The following MDGA2 variants were observed in gnomAD, a reference collection of about 807,000 sequenced individuals.
The protein encoded by MDGA2 is MAM domain containing glycosylphosphatidylinositol anchor 2, also known as MAM domain-containing glycosylphosphatidylinositol anchor protein 2.
Under a neutral mutation model 117.8 loss-of-function variants are expected in MDGA2, and 40 were observed. The observed-to-expected ratio is 0.34, with a 90% CI of 0.26 to 0.44. The LOEUF is 0.44. Among genes scored for constraint, MDGA2 ranks in the 20% least tolerant of loss-of-function variants. MDGA2 has a pLI of 1.00. For missense variants in MDGA2, 1,123 were observed against 1,250.6 expected, an observed-to-expected ratio of 0.90 and a Z score of 1.54; for synonymous variants, 452 against 439.0, an observed-to-expected ratio of 1.03 and a Z score of -0.37.
intron 1 of MDGA2, among the ~76,000 whole-genome samples, chr14:47,408,167 T>C (rs974663385): frequency 6.6e-6 from 1 of 150,550 alleles, no homozygotes; most frequent in South Asian, 2.1e-4. Flanking sequence ...GCAATTCTCC[T>C]GCCTCAGCCT....
At chr14:47,169,915 T>A (rs1163155601) in intron 3 of MDGA2, among the ~76,000 whole-genome samples, 2 of 152,138 alleles carry the variant, frequency 1.3e-5, no homozygotes, top group African/African-American at 4.8e-5. Context: ...TTGAAAAAAA[T>A]TACCTATATT....
chr14:46,927,387 G>C (rs959232018), intron 9 of MDGA2, among the ~76,000 whole-genome samples: 2 of 151,834 alleles, frequency 1.3e-5, no homozygotes, highest in Admixed American at 6.6e-5. Context: ...TATGAAGAGG[G>C]AATTTAAAAA....
chr14:47,539,694 A>G (rs1050822879), intron 1 of MDGA2, among the ~76,000 whole-genome samples: 1 of 152,224 alleles, frequency 6.6e-6, no homozygotes, highest in Non-Finnish European at 1.5e-5. Context: ...GGATAGTTAT[A>G]TAAGGTAAAT....
chr14:47,242,558 C>T (rs1026784469), intron 2 of MDGA2, among the ~76,000 whole-genome samples: 1 of 151,826 alleles, frequency 6.6e-6, no homozygotes, highest in African/African-American at 2.4e-5. Context: ...GTCCTGCTGG[C>T]CCCGGGCAAT....
chr14:47,170,271 G>A (rs1466566459), intron 3 of MDGA2, among the ~76,000 whole-genome samples: 3 of 152,078 alleles, frequency 2.0e-5, no homozygotes, highest in African/African-American at 7.2e-5. Flanking sequence ...AGGAAAGTAA[G>A]AAACAGCAAT....
chr14:47,634,512 T>C (rs1897292676), intron 1 of MDGA2, among the ~76,000 whole-genome samples: 1 of 152,152 alleles, frequency 6.6e-6, no homozygotes, highest in Non-Finnish European at 1.5e-5. Context: ...GTCTTAGAAT[T>C]TTATTAATGT....
intron 1 of MDGA2, among the ~76,000 whole-genome samples, chr14:47,667,274 CT>C (rs1267160063): frequency 1.3e-5 from 2 of 152,174 alleles, no homozygotes; most frequent in African/African-American, 4.8e-5. Context: ...ATTTTCTTGC[CT>C]TCCTAGTAAG....
intron 10 of MDGA2, among the ~76,000 whole-genome samples, chr14:46,915,444 A>C (rs1883861746): frequency 6.6e-6 from 1 of 152,204 alleles, no homozygotes; most frequent in African/African-American, 2.4e-5. Flanking sequence ...AACATGTATA[A>C]ATATAGTGTA....
chr14:47,453,629 T>G (rs1893285692), intron 1 of MDGA2, among the ~76,000 whole-genome samples: 1 of 151,956 alleles, frequency 6.6e-6, no homozygotes, highest in South Asian at 2.1e-4. Context: ...TGAGCCAAAT[T>G]GAAAAGTACA....
chr14:47,243,507 T>C (rs1174161725), intron 2 of MDGA2, among the ~76,000 whole-genome samples: 4 of 151,508 alleles, frequency 2.6e-5, no homozygotes, highest in Non-Finnish European at 4.4e-5. Context: ...GCTGTAACAC[T>C]CACAGCGAAG....
chr14:47,402,357 A>AAG (rs35758519), intron 1 of MDGA2, among the ~76,000 whole-genome samples: 50,987 of 137,080 alleles, frequency 0.37, 10,097 homozygotes, highest in Middle Eastern at 0.5. Flanking sequence ...CCGCAAAAAA[A>AAG]AGAGAGAGAG....
chr14:47,560,228 CGACT>C (rs1566515195), intron 1 of MDGA2, among the ~76,000 whole-genome samples: 1 of 151,898 alleles, frequency 6.6e-6, no homozygotes, highest in Non-Finnish European at 1.5e-5. Context: ...CCACCACGCC[CGACT>C]AATTTTTTTT....
At chr14:47,288,889 C>G (rs1888779585) in intron 2 of MDGA2, among the ~76,000 whole-genome samples, 1 of 151,956 alleles carries the variant, frequency 6.6e-6, no homozygotes, top group Admixed American at 6.6e-5. Context: ...GATTGTTATT[C>G]CTTACTGATT....
chr14:47,448,733 G>A (rs568430428), intron 1 of MDGA2, among the ~76,000 whole-genome samples: 5 of 152,218 alleles, frequency 3.3e-5, no homozygotes, highest in South Asian at 2.1e-4. Flanking sequence ...ATTATCAAGC[G>A]TAAGAAAGAG....
intron 1 of MDGA2, among the ~76,000 whole-genome samples, chr14:47,625,270 T>C (rs929131759): frequency 6.6e-6 from 1 of 151,622 alleles, no homozygotes; most frequent in Non-Finnish European, 1.5e-5. Flanking sequence ...AGAGAAATGA[T>C]AAAGGACACA....
intron 1 of MDGA2, among the ~76,000 whole-genome samples, chr14:47,414,175 T>C (rs1416947192): frequency 1.3e-5 from 2 of 152,202 alleles, no homozygotes; most frequent in Non-Finnish European, 2.9e-5. Context: ...TAGACTATTA[T>C]CCAGCTACTT....
intron 7 of MDGA2, among the ~76,000 whole-genome samples, chr14:47,037,517 A>T (rs1162700576): frequency 6.6e-6 from 1 of 152,172 alleles, no homozygotes; most frequent in Non-Finnish European, 1.5e-5. Flanking sequence ...ATTGGACAAA[A>T]TCCCTGCCTG....
chr14:47,270,286 A>G (rs745525543), intron 2 of MDGA2, among the ~76,000 whole-genome samples: 5 of 152,120 alleles, frequency 3.3e-5, no homozygotes, highest in South Asian at 2.1e-4. Context: ...AGAATTTTCT[A>G]CTGCGTGTAT....
chr14:46,900,350 C>A (rs1883236645), intron 10 of MDGA2, among the ~76,000 whole-genome samples: 1 of 152,180 alleles, frequency 6.6e-6, no homozygotes, highest in African/African-American at 2.4e-5. Context: ...AGCAACTGCA[C>A]TGCTGGGCAT....
Sources: allele counts gnomAD v4.1 joint callset (sites outside exome capture counted in the v4.1 genomes callset), GRCh38; gene constraint gnomAD v4.1.1; transcripts MANE v1.5; gene names NCBI Gene and HGNC (gene_info 2026-07-23, HGNC 2026-07-21).